The following ZNF618 variants were observed in gnomAD, a reference collection of about 807,000 sequenced individuals.
ZNF618 encodes neural precursor cell expressed, developmentally down-regulated 10.
A neutral mutation model predicts 103.0 loss-of-function variants in ZNF618; 34 were observed. The observed-to-expected ratio is 0.33, with a 90% CI of 0.25 to 0.44. The LOEUF (loss-of-function observed/expected upper bound fraction) is 0.44. Among genes scored for constraint, ZNF618 ranks in the 20% least tolerant of loss-of-function variants. The probability of loss-of-function intolerance (pLI) is 1.00; values close to 1 mark genes in which losing one functional copy is unlikely to be tolerated. For synonymous variants in ZNF618, 551 were observed against 542.2 expected, an observed-to-expected ratio of 1.02 and a Z score of -0.23; for missense variants, 1,059 against 1,295.4, an observed-to-expected ratio of 0.82 and a Z score of 2.80.
At chr9:113,993,251 G>A (rs564613453) in intron 3 of ZNF618, among the ~76,000 whole-genome samples, 60 of 152,252 alleles carry the variant, frequency 3.9e-4, no homozygotes, top group African/African-American at 1.4e-3. Context: ...TGAGGACTTC[G>A]CTCACCCAGC....
At chr9:113,906,286 A>T (rs568576259) in intron 1 of ZNF618, among the ~76,000 whole-genome samples, 2 of 152,182 alleles carry the variant, frequency 1.3e-5, no homozygotes, top group African/African-American at 4.8e-5. Context: ...GATGATGAAT[A>T]TGAAACTGCT....
At chr9:113,996,643 G>A (rs913525420) in intron 3 of ZNF618, among the ~76,000 whole-genome samples, 1 of 152,192 alleles carries the variant, frequency 6.6e-6, no homozygotes, top group Non-Finnish European at 1.5e-5. Context: ...GATGGCGACT[G>A]TTGCATCACT....
chr9:113,901,325 C>T (rs1021116747), intron 1 of ZNF618, among the ~76,000 whole-genome samples: 1 of 152,236 alleles, frequency 6.6e-6, no homozygotes, highest in Non-Finnish European at 1.5e-5. Context: ...CATCTCCTTG[C>T]CCCGTCTCCT....
chr9:114,007,481 G>A (rs1204201611), intron 7 of ZNF618, 42 bp downstream of exon 7: 18 of 1,592,868 alleles, frequency 1.1e-5, no homozygotes, highest in Middle Eastern at 1.7e-4. Flanking sequence ...GCCAAGAGGC[G>A]CCCTTCCTTG....
At chr9:113,897,030 T>G (rs946453161) in intron 1 of ZNF618, among the ~76,000 whole-genome samples, 1 of 152,170 alleles carries the variant, frequency 6.6e-6, no homozygotes, top group Non-Finnish European at 1.5e-5. Context: ...TACTTTTGCT[T>G]GTTCTGTGTA....
chr9:114,013,001 AAAC>A (rs909005191), intron 9 of ZNF618, among the ~76,000 whole-genome samples: 2 of 152,144 alleles, frequency 1.3e-5, no homozygotes, highest in African/African-American at 4.8e-5. Context: ...GAAAAAAAAA[AAAC>A]CTATATAAGC....
chr9:113,882,829 C>T (rs546634804), intron 1 of ZNF618, among the ~76,000 whole-genome samples: 3 of 152,128 alleles, frequency 2.0e-5, no homozygotes, highest in East Asian at 1.9e-4. Flanking sequence ...ATATCTGCTT[C>T]GTGAGAAACC....
chr9:113,903,986 C>A (rs536440324), intron 1 of ZNF618, among the ~76,000 whole-genome samples: 1 of 148,306 alleles, frequency 6.7e-6, no homozygotes, highest in East Asian at 2.0e-4. Context: ...AAATATCTTT[C>A]TCTTCTCCCC....
chr9:113,935,952 G>C (rs937203945), intron 1 of ZNF618, among the ~76,000 whole-genome samples: 3 of 152,120 alleles, frequency 2.0e-5, no homozygotes, highest in Admixed American at 1.3e-4. Context: ...TCACAGGCTG[G>C]GATTCTTTTT....
At chr9:114,000,545 TC>T (rs1276148761) in intron 4 of ZNF618, among the ~76,000 whole-genome samples, 1 of 151,360 alleles carries the variant, frequency 6.6e-6, no homozygotes, top group Non-Finnish European at 1.5e-5. Flanking sequence ...CCAAGACAAT[TC>T]TTCTTCCAGT....
At chr9:113,971,172 G>C (rs1219522896) in intron 2 of ZNF618, among the ~76,000 whole-genome samples, 2 of 151,884 alleles carry the variant, frequency 1.3e-5, no homozygotes, top group African/African-American at 2.4e-5. Flanking sequence ...GGCAGTAGCA[G>C]TTGTCAGACC....
intron 4 of ZNF618, among the ~76,000 whole-genome samples, chr9:113,999,061 G>A (rs1404002481): frequency 6.6e-6 from 1 of 152,184 alleles, no homozygotes; most frequent in African/African-American, 2.4e-5. Flanking sequence ...GGTGAGCCAG[G>A]GTTTGCACCC....
intron 6 of ZNF618, among the ~76,000 whole-genome samples, chr9:114,003,803 C>G (rs1055429637): frequency 1.3e-5 from 2 of 152,162 alleles, no homozygotes; most frequent in Admixed American, 6.5e-5. Flanking sequence ...GTACACTGTT[C>G]TACACCAGGG....
At chr9:113,921,229 G>A (rs1488403578) in intron 1 of ZNF618, among the ~76,000 whole-genome samples, 3 of 152,150 alleles carry the variant, frequency 2.0e-5, no homozygotes, top group African/African-American at 7.2e-5. Flanking sequence ...AAATTATCTC[G>A]CCTTTCTGGT....
At position 114,003,256 on chromosome 9, in the gene ZNF618, C is replaced by G. The variant is rs532705125; in HGVS notation, c.550+594C>G. On this transcript the variant is annotated intron_variant, in intron 6 of 14. Transcript: ENST00000374126. The stretch of plus-strand genomic sequence containing the variant: ...TGCTCACAGGCCCTGCTTGCCATCC[C>G]TCCAGTTCTAGGCCCCAAGCGCCTG... 2.0e-5 allele frequency among the ~76,000 whole-genome samples: 3 copies of G among 152,392 alleles called. No individual in the cohort carries two copies. The South Asian group carries it at 6.2e-4, about 32-fold the overall frequency.
chr9:114,035,630 C>G (rs1242605658), intron 12 of ZNF618, among the ~76,000 whole-genome samples: 1 of 151,658 alleles, frequency 6.6e-6, no homozygotes, highest in South Asian at 2.1e-4. Context: ...TCTTCCTTCT[C>G]TCCTCCTCCC....
At chr9:113,889,347 T>TCTCTCTCTCTCTCTCTCTCTCTCTC (rs1477289947) in intron 1 of ZNF618, among the ~76,000 whole-genome samples, 2 of 104,122 alleles carry the variant, frequency 1.9e-5, no homozygotes, top group African/African-American at 6.6e-5. Context: ...CTCTCTCTCT[T>TCTCTCTCTCTCTCTCTCTCTCTCTC]TCTCTCCCTC....
At chr9:113,901,672 C>CGG (rs1256826989) in intron 1 of ZNF618, among the ~76,000 whole-genome samples, 132 of 152,252 alleles carry the variant, frequency 8.7e-4, no homozygotes, top group Non-Finnish European at 1.2e-3. Context: ...CACGGGGTCT[C>CGG]GTAGCTCATA....
At chr9:113,898,598 T>A (rs993055938) in intron 1 of ZNF618, among the ~76,000 whole-genome samples, 1 of 152,062 alleles carries the variant, frequency 6.6e-6, no homozygotes, top group African/African-American at 2.4e-5. Context: ...AGCTAATTTT[T>A]AAATTTTTTG....
Sources: allele counts gnomAD v4.1 joint callset (sites outside exome capture counted in the v4.1 genomes callset), GRCh38; gene constraint gnomAD v4.1.1; transcripts MANE v1.5; gene names NCBI Gene and HGNC (gene_info 2026-07-23, HGNC 2026-07-21).